Variants in CCDC178 observed in about 807,000 individuals in gnomAD.
The protein encoded by CCDC178 is coiled-coil domain-containing protein 178.
In CCDC178, 126 loss-of-function variants were observed where a neutral mutation model predicts 117.4. That is an observed-to-expected ratio of 1.07 (90% CI 0.93 to 1.24). CCDC178 has a LOEUF of 1.24. Ranked by LOEUF, CCDC178 falls within the 50% of genes most tolerant of loss-of-function variation. The pLI is 0.00. For synonymous variants in CCDC178, 283 were observed against 313.4 expected, an observed-to-expected ratio of 0.90 and a Z score of 1.02; for missense variants, 1,030 against 986.9, an observed-to-expected ratio of 1.04 and a Z score of -0.59.
intron 21 of CCDC178, chr18:32,983,185 G>T: frequency 1.4e-6 from 1 of 690,444 alleles, no homozygotes; most frequent in Non-Finnish European, 2.4e-6. Flanking sequence ...GGAATTGGGA[G>T]TAGGTACATG....
intron 14 of CCDC178, among the ~76,000 whole-genome samples, chr18:33,250,966 C>G (rs2059613685): frequency 6.6e-6 from 1 of 151,386 alleles, no homozygotes; most frequent in African/African-American, 2.4e-5. Flanking sequence ...GATGTCCTAC[C>G]AAGCAAAACT....
intron 21 of CCDC178, among the ~76,000 whole-genome samples, chr18:33,008,356 T>C (rs2055792788): frequency 6.6e-6 from 1 of 152,104 alleles, no homozygotes; most frequent in South Asian, 2.1e-4. Context: ...TCTTTGTCTG[T>C]GTCAGTGTAG....
chr18:33,148,842 C>T (rs750040626), intron 20 of CCDC178, among the ~76,000 whole-genome samples: 2 of 152,096 alleles, frequency 1.3e-5, no homozygotes, highest in African/African-American at 2.4e-5. Flanking sequence ...AGCAAGAAAA[C>T]ATTTTTGTAA....
chr18:33,115,265 A>G (rs1287149912), intron 20 of CCDC178, among the ~76,000 whole-genome samples: 1 of 152,048 alleles, frequency 6.6e-6, no homozygotes, highest in Non-Finnish European at 1.5e-5. Flanking sequence ...TATTGCACTC[A>G]GCCTGTAAAA....
chr18:33,373,228 T>C (rs2063323318), intron 5 of CCDC178, among the ~76,000 whole-genome samples: 1 of 152,172 alleles, frequency 6.6e-6, no homozygotes, highest in Non-Finnish European at 1.5e-5. Context: ...TCACTAAATA[T>C]CTAGAATAAT....
intron 15 of CCDC178, among the ~76,000 whole-genome samples, chr18:33,233,496 C>T (rs1324885763): frequency 6.6e-6 from 1 of 151,930 alleles, no homozygotes; most frequent in Non-Finnish European, 1.5e-5. Context: ...TCATTATGTT[C>T]AACGTGTTGT....
At position 33,125,053 on chromosome 18, in the gene CCDC178, AT is replaced by A. The variant is rs1040466196; in HGVS notation, c.2239-32144del. Among the ~76,000 whole-genome samples the A allele has an allele frequency of 9.7e-4, 145 of 149,716 alleles. 1 individual carries two copies. The highest frequency in any genetic ancestry group is 2.8e-3 in the African/African-American group (116 of 40,746). On this transcript the variant is annotated intron_variant, in intron 20 of 22. Transcript: ENST00000383096. The stretch of plus-strand genomic sequence containing the variant: ...AGTGTTTAGCACCTGTTGCCAGGAG[AT>A]TTTTTTTTTCCTGTTTTTGGCAATG...
chr18:33,359,091 T>C (rs1284174855), intron 6 of CCDC178, among the ~76,000 whole-genome samples: 2 of 151,722 alleles, frequency 1.3e-5, no homozygotes, highest in South Asian at 2.1e-4. Context: ...AAGAAGCCAT[T>C]TGAAGTTGAA....
chr18:33,196,677 C>T (rs922478065), intron 20 of CCDC178, among the ~76,000 whole-genome samples: 5 of 151,920 alleles, frequency 3.3e-5, no homozygotes, highest in African/African-American at 7.3e-5. Context: ...GCTGAGCATA[C>T]GAATATCTTT....
At chr18:33,378,663 CA>C (rs2063395120) in intron 5 of CCDC178, among the ~76,000 whole-genome samples, 1 of 152,042 alleles carries the variant, frequency 6.6e-6, no homozygotes, top group Non-Finnish European at 1.5e-5. Flanking sequence ...TGGATTTTAT[CA>C]AAAGGTTTTT....
intron 12 of CCDC178, among the ~76,000 whole-genome samples, chr18:33,273,219 C>A (rs1194545322): frequency 1.3e-5 from 2 of 151,366 alleles, no homozygotes; most frequent in Non-Finnish European, 3.0e-5. Context: ...AGACAACACA[C>A]AAACATTGGT....
chr18:32,977,477 T>G (rs2055051966), intron 21 of CCDC178, among the ~76,000 whole-genome samples: 1 of 152,172 alleles, frequency 6.6e-6, no homozygotes, highest in Admixed American at 6.5e-5. Context: ...GCATAGGTTT[T>G]CAAATTATTG....
At chr18:33,076,911 T>G (rs2057218252) in intron 21 of CCDC178, among the ~76,000 whole-genome samples, 1 of 152,192 alleles carries the variant, frequency 6.6e-6, no homozygotes, top group Non-Finnish European at 1.5e-5. Flanking sequence ...GATCTTCTGG[T>G]AAACATATGT....
intron 20 of CCDC178, among the ~76,000 whole-genome samples, chr18:33,097,812 C>T (rs182351862): frequency 2.0e-5 from 3 of 151,974 alleles, no homozygotes; most frequent in Non-Finnish European, 2.9e-5. Flanking sequence ...GTAAAACAGG[C>T]CACTTATGGA....
At chr18:33,245,803 AC>A in intron 14 of CCDC178, among the ~76,000 whole-genome samples, 1 of 151,902 alleles carries the variant, frequency 6.6e-6, no homozygotes, top group African/African-American at 2.4e-5. Context: ...CTAAACAAAA[AC>A]CAAAGCATAT....
chr18:33,031,704 T>C (rs2056346842), intron 21 of CCDC178, among the ~76,000 whole-genome samples: 1 of 152,086 alleles, frequency 6.6e-6, no homozygotes, highest in Admixed American at 6.6e-5. Flanking sequence ...TATTGGCAAA[T>C]ATGTTATAAT....
intron 12 of CCDC178, among the ~76,000 whole-genome samples, chr18:33,268,625 T>G (rs2059849383): frequency 6.6e-6 from 1 of 151,750 alleles, no homozygotes; most frequent in Non-Finnish European, 1.5e-5. Context: ...CAGCACATTT[T>G]ATAAAAGTAT....
intron 20 of CCDC178, among the ~76,000 whole-genome samples, chr18:33,128,846 G>C (rs962642207): frequency 1.3e-5 from 2 of 152,076 alleles, no homozygotes; most frequent in Non-Finnish European, 2.9e-5. Context: ...TCAAACCTCT[G>C]ATTGCACCAT....
rs964667209 is a variant in CCDC178, at chr18:33,004,126, T to A, written c.2389-29445A>T. 2.6e-5 allele frequency among the ~76,000 whole-genome samples: 4 copies of A among 151,932 alleles called. No homozygotes were observed. In the South Asian group the frequency reaches 8.3e-4, roughly 32 times the overall value. On this transcript the variant is annotated intron_variant, in intron 21 of 22. Coordinates refer to ENST00000383096, the MANE Select transcript of CCDC178 (RefSeq NM_001105528.4). Reference sequence around the variant, plus strand: ...ATAGCAACCTAAATATCCTATGAAATCCCTATCAACATACGAATGACATCT... The same window carrying A: ...ATAGCAACCTAAATATCCTATGAAAACCCTATCAACATACGAATGACATCT...
Sources: gnomAD v4.1 joint callset for allele counts (sites outside exome capture counted in the v4.1 genomes callset) on GRCh38, gnomAD v4.1.1 for gene constraint, MANE v1.5 for transcripts, NCBI Gene and HGNC (gene_info 2026-07-23, HGNC 2026-07-21) for gene names.